Variants in PTPRM observed in about 807,000 individuals in gnomAD.
The protein encoded by PTPRM is receptor-type tyrosine-protein phosphatase mu.
PTPRM carries 47 observed loss-of-function variants against 186.7 expected under a neutral mutation model. The ratio of observed to expected loss-of-function variants is 0.25; its 90% CI spans 0.20 to 0.32. PTPRM has a LOEUF of 0.32. Ranked by LOEUF, PTPRM falls within the 10% of genes least tolerant of loss-of-function variation. PTPRM has a pLI of 1.00. For missense variants in PTPRM, 1,494 were observed against 1,865.0 expected, an observed-to-expected ratio of 0.80 and a Z score of 3.66; for synonymous variants, 668 against 674.9, an observed-to-expected ratio of 0.99 and a Z score of 0.16.
intron 2 of PTPRM, among the ~76,000 whole-genome samples, chr18:7,784,321 A>G (rs2042996535): frequency 6.6e-6 from 1 of 152,160 alleles, no homozygotes; most frequent in East Asian, 1.9e-4. Context: ...CAGAGTCAAG[A>G]GGCCGGAGGG....
intron 14 of PTPRM, among the ~76,000 whole-genome samples, chr18:8,173,385 G>A (rs550868091): frequency 6.6e-6 from 1 of 152,318 alleles, no homozygotes; most frequent in African/African-American, 2.4e-5. Context: ...AACCAGCAGA[G>A]CATCTATTTT....
At chr18:7,691,476 T>C (rs1387593540) in intron 1 of PTPRM, among the ~76,000 whole-genome samples, 1 of 152,190 alleles carries the variant, frequency 6.6e-6, no homozygotes, top group Non-Finnish European at 1.5e-5. Context: ...AAACTGACTT[T>C]GGCATGTTGA....
At chr18:7,659,527 G>A (rs1168311649) in intron 1 of PTPRM, among the ~76,000 whole-genome samples, 1 of 152,162 alleles carries the variant, frequency 6.6e-6, no homozygotes, top group African/African-American at 2.4e-5. Flanking sequence ...AGCTCCAAGT[G>A]AGGACAGGCC....
intron 1 of PTPRM, among the ~76,000 whole-genome samples, chr18:7,658,124 C>T (rs2038893857): frequency 1.3e-5 from 2 of 151,806 alleles, no homozygotes; most frequent in South Asian, 4.2e-4. Context: ...ACATTACATC[C>T]CCAGAATTTG....
chr18:7,708,092 G>C (rs1440691174), intron 1 of PTPRM, among the ~76,000 whole-genome samples: 1 of 152,154 alleles, frequency 6.6e-6, no homozygotes, highest in Non-Finnish European at 1.5e-5. Context: ...CTTTTAGAAA[G>C]CATTCAGTAA....
At chr18:8,350,154 A>T (rs2095526926) in intron 23 of PTPRM, among the ~76,000 whole-genome samples, 2 of 151,916 alleles carry the variant, frequency 1.3e-5, no homozygotes, top group South Asian at 4.2e-4. Context: ...CCTTGAAAAC[A>T]CTCTTTCCTG....
At chr18:7,926,450 T>C (rs959350999) in intron 4 of PTPRM, 118 bp from the exon 5 acceptor site, 6 of 554,476 alleles carry the variant, frequency 1.1e-5, no homozygotes, top group African/African-American at 5.8e-5. Context: ...GCAAAAGCAT[T>C]ATTTTTTTCC....
chr18:7,706,914 G>A (rs2040106542), intron 1 of PTPRM, among the ~76,000 whole-genome samples: 1 of 152,176 alleles, frequency 6.6e-6, no homozygotes, highest in South Asian at 2.1e-4. Flanking sequence ...TCCTAGGAGA[G>A]AAATTTTTTC....
At chr18:7,896,631 G>A (rs1256672564) in intron 3 of PTPRM, among the ~76,000 whole-genome samples, 2 of 152,180 alleles carry the variant, frequency 1.3e-5, no homozygotes, top group Non-Finnish European at 1.5e-5. Flanking sequence ...AAATATGAGA[G>A]CCTTGTGGGT....
chr18:8,112,713 G>A (rs2091809404), intron 11 of PTPRM, among the ~76,000 whole-genome samples: 1 of 152,144 alleles, frequency 6.6e-6, no homozygotes, highest in African/African-American at 2.4e-5. Flanking sequence ...ATTCTCCTGA[G>A]GTTACTTCAG....
At chr18:8,375,561 G>C (rs1238094751) in intron 24 of PTPRM, among the ~76,000 whole-genome samples, 1 of 152,220 alleles carries the variant, frequency 6.6e-6, no homozygotes, top group East Asian at 1.9e-4. Flanking sequence ...CTCAGTGAGT[G>C]TGCACCACTC....
At chr18:8,159,949 C>T (rs1299603682) in intron 14 of PTPRM, among the ~76,000 whole-genome samples, 2 of 151,060 alleles carry the variant, frequency 1.3e-5, no homozygotes, top group Admixed American at 1.3e-4. Context: ...GGACAGACTC[C>T]CTACGTGTAG....
At chr18:7,789,062 C>G (rs1259122077) in intron 2 of PTPRM, among the ~76,000 whole-genome samples, 1 of 152,142 alleles carries the variant, frequency 6.6e-6, no homozygotes, top group Non-Finnish European at 1.5e-5. Flanking sequence ...TGGCTCACAC[C>G]TGTAATCCCA....
chr18:7,720,094 G>A (rs1382914647), intron 1 of PTPRM, among the ~76,000 whole-genome samples: 1 of 151,964 alleles, frequency 6.6e-6, no homozygotes, highest in Non-Finnish European at 1.5e-5. Context: ...TTGAACAAAT[G>A]GATAGTTATA....
intron 3 of PTPRM, among the ~76,000 whole-genome samples, chr18:7,892,828 A>G (rs992378687): frequency 1.3e-5 from 2 of 152,156 alleles, no homozygotes; most frequent in Non-Finnish European, 2.9e-5. Context: ...GTGTCCTCAC[A>G]CAGTTAGGGG....
At chr18:8,073,431 C>T (rs2089612262) in intron 8 of PTPRM, among the ~76,000 whole-genome samples, 1 of 152,192 alleles carries the variant, frequency 6.6e-6, no homozygotes, top group South Asian at 2.1e-4. Flanking sequence ...TGTTTTAGTT[C>T]AACTTCTAAT....
At chr18:8,054,374 G>GA (rs1441244151) in intron 7 of PTPRM, among the ~76,000 whole-genome samples, 4 of 142,446 alleles carry the variant, frequency 2.8e-5, no homozygotes, top group Admixed American at 2.8e-4. Context: ...TTGCTTTCTG[G>GA]TTTTTCCTGT....
intron 1 of PTPRM, among the ~76,000 whole-genome samples, chr18:7,724,806 G>A (rs2040513588): frequency 6.6e-6 from 1 of 152,150 alleles, no homozygotes; most frequent in African/African-American, 2.4e-5. Flanking sequence ...AGGGCAGTGG[G>A]ACTCTGACTC....
intron 20 of PTPRM, among the ~76,000 whole-genome samples, chr18:8,297,354 G>A (rs996766532): frequency 6.6e-6 from 1 of 152,190 alleles, no homozygotes; most frequent in Admixed American, 6.5e-5. Flanking sequence ...CAATCTATTA[G>A]CTTTATTGAT....
Sources: gnomAD v4.1 joint callset for allele counts (sites outside exome capture counted in the v4.1 genomes callset) on GRCh38, gnomAD v4.1.1 for gene constraint, MANE v1.5 for transcripts, NCBI Gene and HGNC (gene_info 2026-07-23, HGNC 2026-07-21) for gene names.